Variants in CAMTA1 observed in about 807,000 individuals in gnomAD.
CAMTA1 encodes the protein calmodulin-binding transcription activator 1.
CAMTA1 carries 27 observed loss-of-function variants against 170.9 expected under a neutral mutation model. The observed-to-expected ratio is 0.16, with a 90% CI of 0.12 to 0.22. CAMTA1 has a LOEUF of 0.22. Ranked by LOEUF, CAMTA1 falls within the 10% of genes least tolerant of loss-of-function variation. The pLI, the probability that CAMTA1 is intolerant of heterozygous loss-of-function variation, is 1.00. For synonymous variants in CAMTA1, 833 were observed against 891.5 expected, an observed-to-expected ratio of 0.93 and a Z score of 1.17; for missense variants, 1,619 against 2,217.2, an observed-to-expected ratio of 0.73 and a Z score of 5.42.
At chr1:7,563,176 G>A (rs569275164) in intron 6 of CAMTA1, among the ~76,000 whole-genome samples, 1 of 152,326 alleles carries the variant, frequency 6.6e-6, no homozygotes, top group South Asian at 2.1e-4. Context: ...CATGCCCCCT[G>A]CTCCTTTCTG....
chr1:7,445,587 C>T (rs1040332702), intron 5 of CAMTA1, among the ~76,000 whole-genome samples: 1 of 152,136 alleles, frequency 6.6e-6, no homozygotes, highest in East Asian at 1.9e-4. Context: ...TGTGTCCCCT[C>T]CCAGGTGGAA....
chr1:6,844,508 CAAAAA>C (rs34365054), intron 3 of CAMTA1, among the ~76,000 whole-genome samples: 2 of 96,536 alleles, frequency 2.1e-5, no homozygotes, highest in African/African-American at 4.0e-5. Flanking sequence ...CATTGCATTA[CAAAAA>C]AAAAAAAAAA....
intron 4 of CAMTA1, among the ~76,000 whole-genome samples, chr1:7,185,461 AT>A (rs1653061029): frequency 2.0e-5 from 3 of 152,208 alleles, no homozygotes; most frequent in Admixed American, 2.0e-4. Flanking sequence ...AGCTGTAATA[AT>A]TGAGCGTCAA....
At chr1:7,105,457 A>G (rs1308854544) in intron 4 of CAMTA1, among the ~76,000 whole-genome samples, 3 of 152,232 alleles carry the variant, frequency 2.0e-5, no homozygotes, top group Non-Finnish European at 4.4e-5. Context: ...GAAGGGCATG[A>G]CAGGCCCACG....
chr1:6,801,940 A>G (rs1016594686), intron 1 of CAMTA1, among the ~76,000 whole-genome samples: 1 of 152,202 alleles, frequency 6.6e-6, no homozygotes, highest in Non-Finnish European at 1.5e-5. Context: ...TCATTCAGAA[A>G]AGTCTGAGGT....
chr1:6,908,661 T>C (rs564854584), intron 3 of CAMTA1, among the ~76,000 whole-genome samples: 1 of 152,264 alleles, frequency 6.6e-6, no homozygotes, highest in East Asian at 1.9e-4. Context: ...GACATGAAAA[T>C]TTTTAAAAAT....
In CAMTA1 at chr1:6,805,244, T is replaced by G. The variant is rs1644381171; in HGVS notation, c.46-14937T>G. Among the ~76,000 whole-genome samples the G allele has an allele frequency of 2.6e-5, 4 of 152,256 alleles. No individual in the cohort carries two copies. In the South Asian group the frequency reaches 8.3e-4, roughly 31 times the overall value. Reference sequence around the variant, plus strand: ...GTTGTAGATGGGAAGTGGTATATTATTGTGGTTTTGATTTGCATTTCCCTA... The same window carrying G: ...GTTGTAGATGGGAAGTGGTATATTAGTGTGGTTTTGATTTGCATTTCCCTA... On this transcript the variant is annotated intron_variant, in intron 1 of 22. Transcript: ENST00000303635.
intron 11 of CAMTA1, among the ~76,000 whole-genome samples, chr1:7,709,026 T>G (rs1286667521): frequency 2.0e-5 from 3 of 152,182 alleles, no homozygotes; most frequent in African/African-American, 7.2e-5. Context: ...CACCCCATCC[T>G]CAGCCACACA....
intron 6 of CAMTA1, among the ~76,000 whole-genome samples, chr1:7,577,524 G>A (rs996965217): frequency 1.3e-5 from 2 of 151,806 alleles, no homozygotes; most frequent in South Asian, 2.1e-4. Context: ...ATCTAGACAC[G>A]TGCCCAGGGA....
chr1:7,146,525 G>A lies in CAMTA1; in HGVS notation c.302+55154G>A, dbSNP rs777431111. On this transcript the variant is annotated intron_variant, in intron 4 of 22. Transcript: ENST00000303635. The surrounding 1 kb of genome is among the most constrained non-coding windows in gnomAD (Gnocchi z 4.3). Reference sequence around the variant, plus strand: ...GAATTCTGTGCTGGTGGACACTGCCGCCCAGCAGGACACTCATCACCATGG... The same window carrying A: ...GAATTCTGTGCTGGTGGACACTGCCACCCAGCAGGACACTCATCACCATGG... Among the ~76,000 whole-genome samples the A allele has an allele frequency of 4.6e-5, 7 of 152,138 alleles. No homozygotes were observed. The highest frequency in any genetic ancestry group is 2.1e-4 in the South Asian group (1 of 4,820).
intron 11 of CAMTA1, chr1:7,698,498 T>G (rs1576980556): frequency 6.5e-6 from 1 of 152,792 alleles, no homozygotes; most frequent in African/African-American, 2.4e-5. Flanking sequence ...CAAGGGGGGG[T>G]GCGGAACTGG....
intron 11 of CAMTA1, among the ~76,000 whole-genome samples, chr1:7,703,369 T>C (rs1202789462): frequency 6.6e-6 from 1 of 152,100 alleles, no homozygotes; most frequent in South Asian, 2.1e-4. Flanking sequence ...TTGGAATATG[T>C]ACTGGGGCTT....
At chr1:6,815,398 CTTGCCATG>C (rs1331314081) in intron 1 of CAMTA1, among the ~76,000 whole-genome samples, 1 of 152,114 alleles carries the variant, frequency 6.6e-6, no homozygotes, top group Non-Finnish European at 1.5e-5. Context: ...GAGACAGAGT[CTTGCCATG>C]TTGCCCAGGC....
intron 3 of CAMTA1, among the ~76,000 whole-genome samples, chr1:6,924,169 G>A (rs922241496): frequency 9.2e-5 from 14 of 152,312 alleles, no homozygotes; most frequent in African/African-American, 2.4e-4. Context: ...CACTGTTCCC[G>A]GGACTGGGTG....
At position 7,665,720 on chromosome 1, in the gene CAMTA1, A is replaced by G. The variant is rs2095995282; in HGVS notation, c.2652+521A>G. Among the ~76,000 whole-genome samples the G allele has an allele frequency of 6.6e-6, 1 of 152,062 alleles. No homozygotes were observed. The highest frequency in any genetic ancestry group is 3.2e-3 in the Middle Eastern group (1 of 316). On this transcript the variant is annotated intron_variant, in intron 9 of 22. Coordinates refer to ENST00000303635, the MANE Select transcript of CAMTA1 (RefSeq NM_015215.4). The surrounding 1 kb of genome is among the most constrained non-coding windows in gnomAD (Gnocchi z 4.3). ...ACAGAGTGAAACCCTGTCTCAAAAA[A>G]AAAGAGAGAAAGTCAGGGTATCCTT...
intron 3 of CAMTA1, among the ~76,000 whole-genome samples, chr1:7,025,187 A>G (rs1278205979): frequency 6.6e-6 from 1 of 152,204 alleles, no homozygotes; most frequent in African/African-American, 2.4e-5. Flanking sequence ...CTTGCCCATT[A>G]ATCAGCGTTT....
At chr1:7,289,520 T>A (rs1017409323) in intron 5 of CAMTA1, among the ~76,000 whole-genome samples, 1 of 152,202 alleles carries the variant, frequency 6.6e-6, no homozygotes, top group African/African-American at 2.4e-5. Context: ...GTTTGCACTC[T>A]CACCTTCGTG....
At chr1:7,752,631 C>T in intron 21 of CAMTA1, 98 bp downstream of exon 21, 2 of 932,120 alleles carry the variant, frequency 2.1e-6, no homozygotes, top group South Asian at 1.7e-5. Flanking sequence ...GCTAATCCCC[C>T]TGCAGATAAT....
intron 5 of CAMTA1, among the ~76,000 whole-genome samples, chr1:7,466,159 T>A (rs991863309): frequency 2.0e-5 from 3 of 152,198 alleles, no homozygotes; most frequent in African/African-American, 7.2e-5. Context: ...GACAAAAATG[T>A]CTAGACATGC....
Sources: gnomAD v4.1 joint callset for allele counts (sites outside exome capture counted in the v4.1 genomes callset) on GRCh38, gnomAD v4.1.1 for gene constraint, Gnocchi (gnomAD v3.1) non-coding constraint, MANE v1.5 for transcripts, NCBI Gene and HGNC (gene_info 2026-07-23, HGNC 2026-07-21) for gene names.